The following GPC6 variants were observed in gnomAD, a reference collection of about 807,000 sequenced individuals.
The protein encoded by GPC6 is glypican 6, also known as glypican-6.
GPC6 carries 14 observed loss-of-function variants against 55.2 expected under a neutral mutation model. The ratio of observed to expected loss-of-function variants is 0.25; its 90% CI spans 0.17 to 0.40. GPC6 has a LOEUF of 0.40. Ranked by LOEUF, GPC6 falls within the 10% of genes least tolerant of loss-of-function variation. The probability of loss-of-function intolerance (pLI) is 1.00; values close to 1 mark genes in which losing one functional copy is unlikely to be tolerated. For synonymous variants in GPC6, 278 were observed against 259.6 expected, an observed-to-expected ratio of 1.07 and a Z score of -0.68; for missense variants, 641 against 708.5, an observed-to-expected ratio of 0.90 and a Z score of 1.08.
intron 4 of GPC6, among the ~76,000 whole-genome samples, chr13:94,142,933 A>G (rs1221556935): frequency 6.6e-6 from 1 of 151,778 alleles, no homozygotes; most frequent in Non-Finnish European, 1.5e-5. Context: ...GGTTCAAGCA[A>G]TTCTCCCACC....
intron 2 of GPC6, among the ~76,000 whole-genome samples, chr13:93,752,441 T>C (rs61962115): frequency 6.8e-6 from 1 of 146,496 alleles, no homozygotes; most frequent in South Asian, 2.1e-4. Context: ...GTGTTTTACA[T>C]TAAAAAAAAA....
chr13:94,085,823 A>T (rs563246832), intron 4 of GPC6, among the ~76,000 whole-genome samples: 2 of 152,300 alleles, frequency 1.3e-5, no homozygotes, highest in South Asian at 4.1e-4. Flanking sequence ...GTTGCTCTAC[A>T]TTCTCTTAAA....
intron 5 of GPC6, among the ~76,000 whole-genome samples, chr13:94,305,213 G>A (rs1594150717): frequency 1.3e-5 from 2 of 152,106 alleles, no homozygotes; most frequent in Non-Finnish European, 2.9e-5. Context: ...ATACTGAACC[G>A]TTGCAGCAAT....
At chr13:93,688,245 G>A (rs2138776256) in intron 2 of GPC6, among the ~76,000 whole-genome samples, 1 of 152,148 alleles carries the variant, frequency 6.6e-6, no homozygotes, top group South Asian at 2.1e-4. Context: ...GAATTCAGCA[G>A]CTAAAGCAAG....
chr13:93,661,902 A>T (rs10508009), intron 2 of GPC6, among the ~76,000 whole-genome samples: 1 of 151,940 alleles, frequency 6.6e-6, no homozygotes, highest in African/African-American at 2.4e-5. Flanking sequence ...TATGTTTCAG[A>T]TAACTCCAGA....
chr13:94,193,062 CGTGTGTGTGT>C (rs66612458), intron 4 of GPC6, among the ~76,000 whole-genome samples: 2,079 of 148,694 alleles, frequency 0.014, 43 homozygotes, highest in African/African-American at 0.048. Context: ...TGAGACTCCT[CGTGTGTGTGT>C]GTGTGTGTGT....
Position 93,830,292 on chromosome 13 carries a change from G to A in GPC6, c.458G>A (p.Gly153Asp), listed in dbSNP as rs949055703. 3 of 1,613,976 alleles carry A rather than the reference G, an allele frequency of 1.9e-6. No homozygotes were observed. The highest frequency in any genetic ancestry group is 2.7e-5 in the African/African-American group (2 of 75,016). The stretch of plus-strand genomic sequence containing the variant: ...GAGCTGAAAAGGTACTACACTGGGG[G>A]TAATGTGAATCTGGAGGAAATGCTC... ...FTELKRYYTGGNVNLEEMLND... is the reference protein window; with the variant it reads ...FTELKRYYTGDNVNLEEMLND... Residue 153 changes from glycine to aspartate, a missense_variant, in exon 3 of 9, where the codon GGT (glycine) becomes GAT (aspartate). Physicochemically the swap from Gly to Asp is moderately conservative, Grantham distance 94. Transcript: ENST00000377047.
At chr13:93,803,521 T>C (rs1886443583) in intron 2 of GPC6, among the ~76,000 whole-genome samples, 2 of 152,160 alleles carry the variant, frequency 1.3e-5, no homozygotes, top group Non-Finnish European at 2.9e-5. Context: ...AAAAAATAGT[T>C]TGGCAGTTCC....
intron 2 of GPC6, among the ~76,000 whole-genome samples, chr13:93,796,954 T>G (rs1194953573): frequency 6.6e-6 from 1 of 152,246 alleles, no homozygotes; most frequent in East Asian, 1.9e-4. Flanking sequence ...CGTCTAACTT[T>G]TTCAAACACA....
At chr13:93,487,805 A>T (rs527879520) in intron 1 of GPC6, among the ~76,000 whole-genome samples, 1 of 152,332 alleles carries the variant, frequency 6.6e-6, no homozygotes, top group Non-Finnish European at 1.5e-5. Context: ...GCTTATCAAA[A>T]CCAAATTAAA....
intron 1 of GPC6, among the ~76,000 whole-genome samples, chr13:93,229,252 T>G (rs1875926998): frequency 1.3e-5 from 2 of 152,156 alleles, no homozygotes; most frequent in Non-Finnish European, 2.9e-5. Flanking sequence ...GCTTTTTTTT[T>G]TCCCTCCCCA....
intron 3 of GPC6, among the ~76,000 whole-genome samples, chr13:93,962,511 T>G (rs1879830543): frequency 6.6e-6 from 1 of 152,120 alleles, no homozygotes; most frequent in African/African-American, 2.4e-5. Flanking sequence ...CTAAGCAGCC[T>G]TGAAATATCT....
chr13:94,063,392 A>G (rs16949432), intron 4 of GPC6, among the ~76,000 whole-genome samples: 27,339 of 152,168 alleles, frequency 0.18, 2,682 homozygotes, highest in South Asian at 0.3. Flanking sequence ...CTATGTAGCT[A>G]TGCTTAGCTG....
At chr13:93,516,940 C>A (rs2139393565) in intron 1 of GPC6, among the ~76,000 whole-genome samples, 1 of 152,104 alleles carries the variant, frequency 6.6e-6, no homozygotes, top group East Asian at 1.9e-4. Flanking sequence ...GTGGTGGGGC[C>A]AAAGCTAACC....
chr13:93,605,865 A>T (rs1878218144), intron 2 of GPC6, among the ~76,000 whole-genome samples: 1 of 150,472 alleles, frequency 6.6e-6, no homozygotes, highest in African/African-American at 2.4e-5. Flanking sequence ...AAAAAAAAAA[A>T]GTGAAAAAGT....
chr13:94,340,097 G>GA (rs1377920868), intron 6 of GPC6, among the ~76,000 whole-genome samples: 1 of 151,986 alleles, frequency 6.6e-6, no homozygotes, highest in Non-Finnish European at 1.5e-5. Context: ...TAAATCATGA[G>GA]AAAATTCTCA....
chr13:93,684,854 A>G (rs1432461396), intron 2 of GPC6, among the ~76,000 whole-genome samples: 1 of 152,228 alleles, frequency 6.6e-6, no homozygotes, highest in Non-Finnish European at 1.5e-5. Flanking sequence ...GTTAAGAAGG[A>G]GCCATAGATA....
At chr13:93,744,166 C>T (rs889515658) in intron 2 of GPC6, among the ~76,000 whole-genome samples, 7 of 152,092 alleles carry the variant, frequency 4.6e-5, no homozygotes, top group African/African-American at 1.7e-4. Context: ...TTTCCTCTCC[C>T]GGCGGTTAAC....
intron 1 of GPC6, among the ~76,000 whole-genome samples, chr13:93,361,795 G>A (rs893271066): frequency 6.6e-5 from 10 of 152,098 alleles, no homozygotes; most frequent in African/African-American, 2.4e-4. Context: ...AAAAAACCTG[G>A]ACCTTAAAAA....
Sources: gnomAD v4.1 joint callset for allele counts (sites outside exome capture counted in the v4.1 genomes callset) on GRCh38, gnomAD v4.1.1 for gene constraint, MANE v1.5 for transcripts, NCBI Gene and HGNC (gene_info 2026-07-23, HGNC 2026-07-21) for gene names.